Variants in DLG2 observed in about 807,000 individuals in gnomAD.
DLG2 encodes disks large homolog 2.
A neutral mutation model predicts 132.5 loss-of-function variants in DLG2; 45 were observed. That is an observed-to-expected ratio of 0.34 (90% CI 0.27 to 0.44). DLG2 has a LOEUF of 0.44. Among genes scored for constraint, DLG2 ranks in the 20% least tolerant of loss-of-function variants. The pLI, the probability that DLG2 is intolerant of heterozygous loss-of-function variation, is 1.00. For missense variants in DLG2, 1,045 were observed against 1,196.9 expected (o/e 0.87, Z 1.87); for synonymous variants, 424 against 419.6 (o/e 1.01, Z -0.13).
intron 21 of DLG2, among the ~76,000 whole-genome samples, chr11:83,522,202 C>T (rs1197350698): frequency 6.6e-6 from 1 of 152,140 alleles, no homozygotes; most frequent in Non-Finnish European, 1.5e-5. Context: ...TTCTTCGGAC[C>T]CTTTCTTAAT....
At chr11:83,999,459 G>T (rs112817221) in intron 11 of DLG2, among the ~76,000 whole-genome samples, 36 of 152,070 alleles carry the variant, frequency 2.4e-4, no homozygotes, top group African/African-American at 8.0e-4. Flanking sequence ...CATTGTCCAT[G>T]CCATGCCAAG....
At chr11:85,337,307 C>T (rs987887920) in intron 3 of DLG2, among the ~76,000 whole-genome samples, 1 of 152,052 alleles carries the variant, frequency 6.6e-6, no homozygotes, top group Non-Finnish European at 1.5e-5. Context: ...TGGTCTCAAA[C>T]TCCTAGCTTC....
chr11:85,553,873 A>T (rs1265199012), intron 3 of DLG2, among the ~76,000 whole-genome samples: 1 of 151,214 alleles, frequency 6.6e-6, no homozygotes, highest in Non-Finnish European at 1.5e-5. Flanking sequence ...CTTGCTAAAA[A>T]GTAAATTATA....
chr11:84,371,431 A>G (rs2098706007), intron 7 of DLG2, among the ~76,000 whole-genome samples: 1 of 151,896 alleles, frequency 6.6e-6, no homozygotes, highest in Non-Finnish European at 1.5e-5. Flanking sequence ...AATTTTTTGT[A>G]TAGACGGGGT....
intron 3 of DLG2, among the ~76,000 whole-genome samples, chr11:85,499,997 A>G (rs1433594974): frequency 6.6e-6 from 1 of 152,196 alleles, no homozygotes; most frequent in Admixed American, 6.5e-5. Flanking sequence ...ATCACACTGA[A>G]TGGGCAAAAG....
chr11:84,826,119 A>C (rs775011895), intron 6 of DLG2, among the ~76,000 whole-genome samples: 50 of 151,888 alleles, frequency 3.3e-4, no homozygotes, highest in Non-Finnish European at 5.4e-4. Context: ...ATATTTTGAC[A>C]CAGGCATGCA....
At chr11:85,041,078 A>G (rs2061822272) in intron 6 of DLG2, among the ~76,000 whole-genome samples, 1 of 151,850 alleles carries the variant, frequency 6.6e-6, no homozygotes, top group African/African-American at 2.4e-5. Flanking sequence ...TATGCAAGAA[A>G]TTCTGGATCC....
At chr11:84,537,031 C>T (rs2099357121) in intron 6 of DLG2, among the ~76,000 whole-genome samples, 1 of 151,894 alleles carries the variant, frequency 6.6e-6, no homozygotes, top group African/African-American at 2.4e-5. Context: ...TCACACTGCC[C>T]ACAGGACAGA....
chr11:84,830,920 A>G (rs2078955128), intron 6 of DLG2, among the ~76,000 whole-genome samples: 1 of 150,854 alleles, frequency 6.6e-6, no homozygotes, highest in African/African-American at 2.4e-5. Context: ...AACTTATAAC[A>G]TTAAGCAAAG....
intron 15 of DLG2, among the ~76,000 whole-genome samples, chr11:83,915,128 G>C (rs1438378230): frequency 1.3e-5 from 2 of 152,176 alleles, no homozygotes; most frequent in African/African-American, 4.8e-5. Flanking sequence ...ACAGAGGCAA[G>C]TGTACAGGAA....
chr11:83,575,458 G>A (rs985437899), intron 19 of DLG2, among the ~76,000 whole-genome samples: 3 of 152,190 alleles, frequency 2.0e-5, no homozygotes, highest in African/African-American at 4.8e-5. Flanking sequence ...GAAGAGAGCT[G>A]CACAGAAAGA....
chr11:83,887,867 G>A (rs927232090), intron 15 of DLG2, among the ~76,000 whole-genome samples: 1 of 128,252 alleles, frequency 7.8e-6, no homozygotes, highest in African/African-American at 3.0e-5. Flanking sequence ...TATCTCAATA[G>A]ATGCAGAAAA....
chr11:85,034,176 C>A (rs541148773), intron 6 of DLG2, among the ~76,000 whole-genome samples: 12 of 151,536 alleles, frequency 7.9e-5, no homozygotes, highest in African/African-American at 2.4e-4. Context: ...CTCCCAGGTT[C>A]ACGCCATTCT....
At chr11:85,291,720 A>T (rs992184470) in intron 3 of DLG2, among the ~76,000 whole-genome samples, 1 of 151,618 alleles carries the variant, frequency 6.6e-6, no homozygotes, top group African/African-American at 2.4e-5. Flanking sequence ...AAGTAGCTGG[A>T]ATTACAGGTG....
At chr11:84,964,623 T>C (rs2053066319) in intron 6 of DLG2, among the ~76,000 whole-genome samples, 1 of 152,192 alleles carries the variant, frequency 6.6e-6, no homozygotes, top group South Asian at 2.1e-4. Flanking sequence ...AGTTTGTTTT[T>C]TCATTCAATG....
chr11:84,692,129 T>C (rs1265582780), intron 6 of DLG2, among the ~76,000 whole-genome samples: 6 of 151,712 alleles, frequency 4.0e-5, no homozygotes, highest in African/African-American at 1.5e-4. Flanking sequence ...GCAGCATGTG[T>C]AGGCGCGCGA....
intron 11 of DLG2, among the ~76,000 whole-genome samples, chr11:84,035,998 G>C (rs2095854254): frequency 6.6e-6 from 1 of 152,022 alleles, no homozygotes; most frequent in South Asian, 2.1e-4. Flanking sequence ...TAAGAGTTGT[G>C]TTTTGTATAC....
intron 19 of DLG2, among the ~76,000 whole-genome samples, chr11:83,610,824 G>C (rs1286005569): frequency 6.6e-6 from 1 of 152,106 alleles, no homozygotes; most frequent in African/African-American, 2.4e-5. Context: ...ATCCACAATA[G>C]AAAGAGGAGA....
In DLG2 at chr11:85,218,545, T is replaced by C. The variant is rs541483268; in HGVS notation, c.187-63894A>G. Among the ~76,000 whole-genome samples the C allele has an allele frequency of 4.3e-3, 658 of 152,174 alleles. 3 individuals carry two copies. The highest frequency in any genetic ancestry group is 7.1e-3 in the Non-Finnish European group (486 of 67,978). On this transcript the variant is annotated intron_variant, in intron 4 of 27. Coordinates refer to ENST00000376104, the MANE Select transcript of DLG2 (RefSeq NM_001142699.3). ...ATCTCACACCAGTCAGAATGGCTATTATTAAAAAGTCAAAAAACAACAGAT... is the reference window on the plus strand; with the variant it reads ...ATCTCACACCAGTCAGAATGGCTATCATTAAAAAGTCAAAAAACAACAGAT...
Sources: gnomAD v4.1 joint callset for allele counts (sites outside exome capture counted in the v4.1 genomes callset) on GRCh38, gnomAD v4.1.1 for gene constraint, MANE v1.5 for transcripts, NCBI Gene and HGNC (gene_info 2026-07-23, HGNC 2026-07-21) for gene names.